The following CEP112 variants were observed in gnomAD, a reference collection of about 807,000 sequenced individuals.
CEP112 encodes centrosomal protein 112.
A neutral mutation model predicts 153.0 loss-of-function variants in CEP112; 127 were observed. That is an observed-to-expected ratio of 0.83 (90% confidence interval 0.72 to 0.96). The LOEUF (loss-of-function observed/expected upper bound fraction) is 0.96, where lower values mean the gene tolerates loss of function less well. Ranked by LOEUF, CEP112 falls within the 40% of genes least tolerant of loss-of-function variation. The pLI is 0.00. For missense variants in CEP112, 1,089 were observed against 1,101.2 expected (o/e 0.99, Z 0.16); for synonymous variants, 358 against 374.4 (o/e 0.96, Z 0.51).
rs2062639503 is a variant in CEP112 at position 65,970,313 on chromosome 17, A to ATG, written c.1737-8717_1737-8716dup. Among the ~76,000 whole-genome samples the ATG allele has an allele frequency of 3.3e-5, 5 of 151,420 alleles. 1 individual carries two copies. The South Asian group carries it at 1.0e-3, about 32-fold the overall frequency. On this transcript the variant is annotated intron_variant, in intron 17 of 26. Transcript: ENST00000535342. ...ATGTCATACTGCATGTGTATCTCAT[A>ATG]TGTAAAACATATTGCATGCATATTA...
At chr17:65,881,401 G>GGTGT (rs34374244) in intron 20 of CEP112, among the ~76,000 whole-genome samples, 1,551 of 150,448 alleles carry the variant, frequency 0.01, 22 homozygotes, top group African/African-American at 0.026. Flanking sequence ...GCAGAAAACA[G>GGTGT]GTGTGTGTGT....
At chr17:65,771,160 G>A (rs966991861) in intron 21 of CEP112, among the ~76,000 whole-genome samples, 2 of 151,922 alleles carry the variant, frequency 1.3e-5, no homozygotes, top group African/African-American at 4.8e-5. Context: ...TTTTAAAAAA[G>A]GTTAAGATTA....
chr17:66,035,712 A>G (rs2065709271), intron 12 of CEP112, among the ~76,000 whole-genome samples: 1 of 152,214 alleles, frequency 6.6e-6, no homozygotes, highest in Admixed American at 6.5e-5. Flanking sequence ...AAAATGGTGA[A>G]TAGGAGATGG....
intron 20 of CEP112, chr17:65,873,193 A>T (rs2058720571): frequency 6.6e-6 from 1 of 151,928 alleles, no homozygotes; most frequent in African/African-American, 2.4e-5. Context: ...GCAGCTAGGA[A>T]CTCTGGTCAT....
intron 21 of CEP112, among the ~76,000 whole-genome samples, chr17:65,817,344 G>A (rs922715929): frequency 4.6e-5 from 7 of 151,812 alleles, no homozygotes; most frequent in African/African-American, 7.2e-5. Context: ...AGTTAAAAAC[G>A]TTTCAAAACA....
chr17:66,166,466 A>C (rs2071962769), intron 4 of CEP112, among the ~76,000 whole-genome samples: 1 of 152,230 alleles, frequency 6.6e-6, no homozygotes, highest in Non-Finnish European at 1.5e-5. Context: ...CTGAAAAGAC[A>C]TAAAATTACT....
chr17:66,119,790 T>A (rs558265728), intron 6 of CEP112, among the ~76,000 whole-genome samples: 76 of 152,304 alleles, frequency 5.0e-4, no homozygotes, highest in Middle Eastern at 3.4e-3. Flanking sequence ...ATGTGATAAA[T>A]GTGTTTTAAT....
intron 19 of CEP112, among the ~76,000 whole-genome samples, chr17:65,916,304 G>A (rs934733791): frequency 4.1e-4 from 44 of 106,064 alleles, no homozygotes; most frequent in Admixed American, 3.9e-3. Flanking sequence ...TGTGTGGTAG[G>A]AGTAGTGGTG....
chr17:66,107,059 A>G (rs1172611270), intron 6 of CEP112, among the ~76,000 whole-genome samples: 1 of 152,196 alleles, frequency 6.6e-6, no homozygotes, highest in Non-Finnish European at 1.5e-5. Flanking sequence ...GAACATTTCA[A>G]TTGATGCTGA....
chr17:65,982,359 G>A (rs552547476), intron 17 of CEP112, among the ~76,000 whole-genome samples: 11 of 152,226 alleles, frequency 7.2e-5, no homozygotes, highest in African/African-American at 1.9e-4. Flanking sequence ...AAATATCCCC[G>A]AAGTAGAGAA....
intron 24 of CEP112, among the ~76,000 whole-genome samples, chr17:65,683,532 A>G (rs2047634673): frequency 6.6e-6 from 1 of 152,208 alleles, no homozygotes; most frequent in African/African-American, 2.4e-5. Context: ...CCTGCCGAAC[A>G]GCTTTGGAAG....
At chr17:65,991,747 A>AT in intron 17 of CEP112, among the ~76,000 whole-genome samples, 1 of 151,980 alleles carries the variant, frequency 6.6e-6, no homozygotes, top group South Asian at 2.1e-4. Flanking sequence ...CCTTAATTCA[A>AT]TTTTTTTTCC....
At chr17:65,934,158 C>G (rs1483365051) in intron 18 of CEP112, among the ~76,000 whole-genome samples, 1 of 151,956 alleles carries the variant, frequency 6.6e-6, no homozygotes, top group African/African-American at 2.4e-5. Flanking sequence ...CACTGCACTA[C>G]AGCCTGGGTG....
intron 18 of CEP112, among the ~76,000 whole-genome samples, chr17:65,944,764 A>G (rs1401562944): frequency 6.6e-6 from 1 of 151,718 alleles, no homozygotes; most frequent in African/African-American, 2.4e-5. Context: ...TAATTTTTTA[A>G]TTTTTTGTCA....
At position 65,750,693 on chromosome 17, in the gene CEP112, T is replaced by C. The variant is rs1266497334; in HGVS notation, c.2426A>G (p.Glu809Gly). 1.5e-5 allele frequency: 24 copies of C among 1,614,110 alleles called. No homozygotes were observed. The highest frequency in any genetic ancestry group is 1.9e-5 in the Non-Finnish European group (23 of 1,179,978). The change falls in exon 22 of 27, where the codon GAA becomes GGA. Residue 809 changes from glutamate (E) to glycine (G), a missense_variant. Glu to Gly is a moderately conservative substitution (Grantham distance 98, BLOSUM62 -2). Transcript: ENST00000535342. ...ANSKLKQIEK[E>G]YTQKLAKSSQ... ...AGATTTGGCAAGCTTCTGAGTGTATTCCTTCTCAATCTGCTTCAGCTTGCT... is the reference window on the plus strand; with the variant it reads ...AGATTTGGCAAGCTTCTGAGTGTATCCCTTCTCAATCTGCTTCAGCTTGCT...
chr17:65,795,790 C>T (rs547057540), intron 21 of CEP112, among the ~76,000 whole-genome samples: 21 of 151,902 alleles, frequency 1.4e-4, no homozygotes, highest in African/African-American at 2.4e-4. Flanking sequence ...CCAGCCTAGG[C>T]GACAGAGTGA....
chr17:65,967,447 T>C (rs897814291), intron 17 of CEP112, among the ~76,000 whole-genome samples: 3 of 152,152 alleles, frequency 2.0e-5, no homozygotes, highest in African/African-American at 7.2e-5. Context: ...AATTCTAAGA[T>C]CTGCTCATTC....
intron 24 of CEP112, among the ~76,000 whole-genome samples, chr17:65,648,870 G>C (rs1404955434): frequency 6.6e-6 from 1 of 152,008 alleles, no homozygotes; most frequent in Non-Finnish European, 1.5e-5. Context: ...AGCCAACATG[G>C]CGAAACCCCA....
intron 21 of CEP112, among the ~76,000 whole-genome samples, chr17:65,839,312 G>A (rs894353142): frequency 1.3e-5 from 2 of 152,060 alleles, no homozygotes; most frequent in African/African-American, 4.8e-5. Flanking sequence ...CATTCATCAT[G>A]ATCAAGTGGG....
Sources: allele counts gnomAD v4.1 joint callset (sites outside exome capture counted in the v4.1 genomes callset), GRCh38; gene constraint gnomAD v4.1.1; transcripts MANE v1.5; gene names NCBI Gene and HGNC (gene_info 2026-07-23, HGNC 2026-07-21).